Variants in KANK2 observed in about 807,000 individuals in gnomAD.
KANK2 encodes KN motif and ankyrin repeat domain-containing protein 2.
In KANK2, 41 loss-of-function variants were observed where a neutral mutation model predicts 74.6. The ratio of observed to expected loss-of-function variants is 0.55; its 90% CI spans 0.43 to 0.71. The LOEUF is 0.71. Ranked by LOEUF, KANK2 falls within the 30% of genes least tolerant of loss-of-function variation. The pLI is 0.00. For missense variants in KANK2, 1,148 were observed against 1,196.4 expected (o/e 0.96, Z 0.60); for synonymous variants, 537 against 519.0 (o/e 1.03, Z -0.47).
rs1370138066 is a variant in KANK2 at position 11,170,768 on chromosome 19, TTTTGTATAGA to T, written c.2212-530_2212-521del. On this transcript the variant is annotated intron_variant, in intron 10 of 12. Transcript: ENST00000586659. This position sits in a 1 kb window ranked among gnomAD's most constrained non-coding sequence, Gnocchi z 5.2. ...ACAATGCCTGGCTAATTTTTGTATC[TTTTGTATAGA>T]TAGGGTTTTGCCATGTTGCCCAGGC... 6.6e-6 allele frequency among the ~76,000 whole-genome samples: 1 copy of T among 152,110 alleles called. No individual in the cohort carries two copies. Among genetic ancestry groups the T allele is most frequent in the African/African-American group, 2.4e-5 (1 of 41,420 alleles).
rs1394547203 is a variant in KANK2, at chr19:11,193,324, G to C, written c.756C>G (p.Leu252=). 1 of 1,612,636 alleles carries C rather than the reference G, an allele frequency of 6.2e-7. No homozygotes were observed. The highest frequency in any genetic ancestry group is 8.5e-7 in the Non-Finnish European group (1 of 1,179,944). ...CCACTGGGTCCTCTGGGGGATCGGG[G>C]AGGTCCAGGCAGAGCTCGCTGCGAC... The part of the protein sequence containing the change: ...GRGRSELCLD[L]PDPPEDPVAL... The change falls in exon 4 of 13, where the codon CTC becomes CTG. Residue 252 remains leucine (L), a synonymous_variant. Transcript: ENST00000586659. The surrounding 1 kb of genome is among the most constrained non-coding windows in gnomAD (Gnocchi z 9.6).
chr19:11,197,792 G>A, upstream of KANK2: 1 of 124,090 alleles, frequency 8.1e-6, no homozygotes, highest in Non-Finnish European at 1.8e-5. Context: ...TCCTCCCACT[G>A]CCGGCCTCCC....
chr19:11,186,163 G>A (rs149559291), intron 4 of KANK2, among the ~76,000 whole-genome samples: 35 of 150,804 alleles, frequency 2.3e-4, no homozygotes, highest in African/African-American at 7.6e-4. Flanking sequence ...CAAGGCGGGT[G>A]GATCACCTAA....
Position 11,166,439 on chromosome 19 carries a change from T to C in KANK2, c.*119A>G. 1 of 913,638 alleles carries C rather than the reference T, an allele frequency of 1.1e-6. No individual in the cohort carries two copies. Among genetic ancestry groups the C allele is most frequent in the Non-Finnish European group, 1.8e-6 (1 of 570,184 alleles). 56.6% of individuals were successfully genotyped at this position (913,638 alleles called of 1,614,324 possible). A position where few individuals can be genotyped will look rare whatever the true frequency, so the allele number is the denominator to read the frequency against. On this transcript the variant is annotated 3_prime_UTR_variant, in exon 13 of 13. Transcript: ENST00000586659. ...AAGCAGAGGGAGAGCTCGCTTGCCT[T>C]TGAGCCGTGGGCCTTGGGGAGTGTG...
At chr19:11,190,024 T>C (rs962679254) in intron 4 of KANK2, among the ~76,000 whole-genome samples, 1 of 152,194 alleles carries the variant, frequency 6.6e-6, no homozygotes, top group Non-Finnish European at 1.5e-5. Flanking sequence ...TGCCCTCCAG[T>C]CTGTTGGTAG....
At chr19:11,187,126 G>A (rs1600820361) in intron 4 of KANK2, among the ~76,000 whole-genome samples, 1 of 132,618 alleles carries the variant, frequency 7.5e-6, no homozygotes. Flanking sequence ...CGTGGTAGCA[G>A]GGCATCTGTA....
Position 11,193,325 on chromosome 19 carries a change from A to G in KANK2, c.755T>C (p.Leu252Pro), listed in dbSNP as rs1465546718. The G allele has an allele frequency of 1.2e-6, 2 of 1,611,670 alleles. No individual in the cohort carries two copies. The highest frequency in any genetic ancestry group is 1.7e-6 in the Non-Finnish European group (2 of 1,179,714). ...GRGRSELCLD[L>P]PDPPEDPVAL... ...CACTGGGTCCTCTGGGGGATCGGGG[A>G]GGTCCAGGCAGAGCTCGCTGCGACC... Residue 252 changes from leucine (L) to proline (P), a missense_variant, in exon 4 of 13, where the codon CTC becomes CCC. Physicochemically the swap from Leu to Pro is moderately conservative, Grantham distance 98 (BLOSUM62 -3). Transcript: ENST00000586659. The surrounding 1 kb of genome is among the most constrained non-coding windows in gnomAD (Gnocchi z 9.6).
intron 4 of KANK2, among the ~76,000 whole-genome samples, chr19:11,187,673 G>C (rs192851081): frequency 1.1e-4 from 17 of 152,316 alleles, no homozygotes; most frequent in African/African-American, 4.1e-4. Context: ...AGCCACGTTC[G>C]TTCATTTCCA....
At chr19:11,194,167 C>T (rs1466620683) in intron 3 of KANK2, 125 bp from the exon 4 acceptor site, 16 of 1,044,420 alleles carry the variant, frequency 1.5e-5, no homozygotes, top group Admixed American at 5.7e-5. Flanking sequence ...GGTACTCAAC[C>T]GCGTCTGCTC....
intron 1 of KANK2, chr19:11,196,425 CAG>C (rs919233957): frequency 6.6e-5 from 10 of 152,294 alleles, no homozygotes; most frequent in African/African-American, 2.4e-4. Context: ...GTTTCACAGA[CAG>C]GGGATGCAGA....
At chr19:11,173,795 G>A (rs1038622408) in intron 9 of KANK2, among the ~76,000 whole-genome samples, 2 of 151,970 alleles carry the variant, frequency 1.3e-5, no homozygotes, top group Non-Finnish European at 2.9e-5. Flanking sequence ...GGAGAGTCAT[G>A]TCTCCCTCGT....
chr19:11,167,813 C>A (rs8107089), intron 12 of KANK2, among the ~76,000 whole-genome samples: 17,685 of 151,700 alleles, frequency 0.12, 1,599 homozygotes, highest in African/African-American at 0.25. Flanking sequence ...CAGGCGTGAA[C>A]CAGTGAGTCT....
At chr19:11,172,126 C>A (rs1652019371) in intron 10 of KANK2, among the ~76,000 whole-genome samples, 1 of 151,920 alleles carries the variant, frequency 6.6e-6, no homozygotes, top group Admixed American at 6.6e-5. Context: ...TAGGCACGTG[C>A]CACCACGCCC....
At chr19:11,176,957 G>T in intron 6 of KANK2, 140 bp from the exon 7 acceptor site, 1 of 987,970 alleles carries the variant, frequency 1.0e-6, no homozygotes, top group Non-Finnish European at 1.4e-6. Flanking sequence ...ACATTCCAGG[G>T]TTGTGGGATG....
At chr19:11,186,417 C>G (rs2078677043) in intron 4 of KANK2, among the ~76,000 whole-genome samples, 1 of 148,576 alleles carries the variant, frequency 6.7e-6, no homozygotes, top group Non-Finnish European at 1.5e-5. Flanking sequence ...AAAGAAGAGG[C>G]CAGGCGCGGT....
Position 11,193,766 on chromosome 19 carries a change from C to G in KANK2, c.314G>C (p.Arg105Pro). 1 of 1,612,732 alleles carries G rather than the reference C, an allele frequency of 6.2e-7. No homozygotes were observed. Among genetic ancestry groups the G allele is most frequent in the South Asian group, 1.1e-5 (1 of 91,086 alleles). The change falls in exon 4 of 13, where the codon CGT becomes CCT. Residue 105 changes from arginine (R) to proline (P), a missense_variant. Transcript: ENST00000586659. The surrounding 1 kb of genome is among the most constrained non-coding windows in gnomAD (Gnocchi z 9.6). ...AGCACCATACTGAGGGTAGAAGCCA[C>G]GGCCGCAGTAGGAATAGGCTGAGTG... ...SRHSAYSYCG[R>P]GFYPQYGALE...
rs1202963888 is a variant in KANK2 at position 11,174,848 on chromosome 19, TC to T, written c.1849-157del. Reference sequence around the variant, plus strand: ...ACCCTCCCAAAGGGAAGTGTAGACATCTCTGTCCCAATAAGACCCTTGGAGT... The same window carrying T: ...ACCCTCCCAAAGGGAAGTGTAGACATTCTGTCCCAATAAGACCCTTGGAGT... On this transcript the variant is annotated intron_variant, in intron 8 of 12. Coordinates refer to ENST00000586659, the MANE Select transcript of KANK2 (RefSeq NM_001136191.3). Among the ~76,000 whole-genome samples, 3 of 151,960 alleles carry T rather than the reference TC, an allele frequency of 2.0e-5. No homozygotes were observed. In the East Asian group the frequency reaches 5.8e-4, roughly 29 times the overall value.
intron 8 of KANK2, 70 bp from the exon 9 acceptor site, chr19:11,174,762 T>C: frequency 7.8e-7 from 1 of 1,277,296 alleles, no homozygotes; most frequent in East Asian, 2.5e-5. Context: ...CCACCCCAGA[T>C]GCGCCCCCGG....
Position 11,178,546 on chromosome 19 carries a change from C to A in KANK2, c.1417+7G>T, listed in dbSNP as rs771959624. 1 of 1,604,066 alleles carries A rather than the reference C, an allele frequency of 6.2e-7. No individual in the cohort carries two copies. The highest frequency in any genetic ancestry group is 1.1e-5 in the South Asian group (1 of 89,988). On this transcript the variant is annotated splice_region_variant and intron_variant, in intron 5 of 12. Transcript: ENST00000586659. ...CCCGTCCCTCTTGGCGGCCACCCACCACTTACCGGTGCCCCCGGCCTCCTC... is the reference window on the plus strand; with the variant it reads ...CCCGTCCCTCTTGGCGGCCACCCACAACTTACCGGTGCCCCCGGCCTCCTC...
Sources: allele counts gnomAD v4.1 joint callset (sites outside exome capture counted in the v4.1 genomes callset), GRCh38; gene constraint gnomAD v4.1.1; non-coding constraint Gnocchi (gnomAD v3.1); transcripts MANE v1.5; gene names NCBI Gene and HGNC (gene_info 2026-07-23, HGNC 2026-07-21).